The following HEATR5A variants were observed in gnomAD, a reference collection of about 807,000 sequenced individuals.
HEATR5A encodes the protein HEAT repeat-containing protein 5A.
A neutral mutation model predicts 218.8 loss-of-function variants in HEATR5A; 178 were observed. The observed-to-expected ratio is 0.81, with a 90% CI of 0.72 to 0.92. The LOEUF (loss-of-function observed/expected upper bound fraction) is 0.92, where lower values mean the gene tolerates loss of function less well. HEATR5A is among the 40% of genes least tolerant of loss of function. HEATR5A has a pLI of 0.00. For missense variants in HEATR5A, 2,420 were observed against 2,418.9 expected (o/e 1.00, Z -0.01); for synonymous variants, 864 against 871.6 (o/e 0.99, Z 0.15).
At position 31,383,685 on chromosome 14, in the gene HEATR5A, C is replaced by T. The variant is rs748570714; in HGVS notation, c.1432G>A (p.Val478Met). The change falls in exon 10 of 36, where the codon GTG (valine) becomes ATG (methionine). Residue 478 changes from valine to methionine, a missense_variant. Physicochemically the swap from Val to Met is conservative, Grantham distance 21. Coordinates refer to ENST00000543095, the MANE Select transcript of HEATR5A (RefSeq NM_015473.4). ...GGTGTTAGGTAGGAGGGTAATGCCA[C>T]GGCAATGCAGTGTAAACACCAAGCT... is the stretch of plus-strand genomic sequence containing the variant. ...AAAWCLHCIA[V>M]ALPSYLTPLL... 1.2e-4 allele frequency: 192 copies of T among 1,613,820 alleles called. No individual in the cohort carries two copies. In the East Asian group the frequency reaches 2.5e-3, roughly 21 times the overall value.
chr14:31,379,414 C>T (rs2029894833), intron 11 of HEATR5A, among the ~76,000 whole-genome samples: 1 of 151,054 alleles, frequency 6.6e-6, no homozygotes, highest in South Asian at 2.1e-4. Context: ...CCATGCCCGG[C>T]TAATTTTTGT....
rs777305002 is a variant in HEATR5A at position 31,349,888 on chromosome 14, G to C, written c.2609C>G (p.Pro870Arg). 1.9e-6 allele frequency: 3 copies of C among 1,612,448 alleles called. No homozygotes were observed. Among genetic ancestry groups the C allele is most frequent in the Non-Finnish European group, 2.5e-6 (3 of 1,179,010 alleles). The change falls in exon 18 of 36, where the codon CCC (proline) becomes CGC (arginine). Residue 870 changes from proline (P) to arginine (R), a missense_variant. Transcript: ENST00000543095. ...LVMGALESPN[P>R]LLRCAAAESW... ...CTCTGCAGCTGCACATCTCAGCAAGGGGTTGGGGCTTTCTAGGGCTCCCAT... is the reference window on the plus strand; with the variant it reads ...CTCTGCAGCTGCACATCTCAGCAAGCGGTTGGGGCTTTCTAGGGCTCCCAT...
Position 31,321,607 on chromosome 14 carries a change from C to G in HEATR5A, c.3861G>C (p.Gln1287His), listed in dbSNP as rs1358578906. 1 of 1,609,866 alleles carries G rather than the reference C, an allele frequency of 6.2e-7. No individual in the cohort carries two copies. The highest frequency in any genetic ancestry group is 1.7e-5 in the Admixed American group (1 of 59,458). Reference protein sequence around the residue: ...AFMAATDHSDQLRLSGLEMLL... With the variant: ...AFMAATDHSDHLRLSGLEMLL... ...GCATTTCAAGGCCAGAAAGACGGAG[C>G]TGGTCACTGTGATCTGTGGCAGCCA... Residue 1287 changes from glutamine to histidine, a missense_variant, in exon 25 of 36, where the codon CAG (glutamine) becomes CAC (histidine). Physicochemically the swap from Gln to His is conservative, Grantham distance 24. Coordinates refer to ENST00000543095, the MANE Select transcript of HEATR5A (RefSeq NM_015473.4).
chr14:31,355,339 G>A (rs558267925), intron 16 of HEATR5A, among the ~76,000 whole-genome samples: 1 of 151,876 alleles, frequency 6.6e-6, no homozygotes, highest in Middle Eastern at 3.5e-3. Flanking sequence ...CTTGAACCTG[G>A]GAGGCGGAGG....
intron 22 of HEATR5A, among the ~76,000 whole-genome samples, chr14:31,330,055 G>A (rs1686496636): frequency 6.6e-6 from 1 of 152,226 alleles, no homozygotes; most frequent in African/African-American, 2.4e-5. Context: ...CAGTGCCTCA[G>A]TGGGGACTCT....
At chr14:31,348,638 G>A (rs1438947214) in intron 18 of HEATR5A, among the ~76,000 whole-genome samples, 1 of 152,156 alleles carries the variant, frequency 6.6e-6, no homozygotes, top group Non-Finnish European at 1.5e-5. Context: ...AATTTTCTAT[G>A]TACTGTGTGC....
chr14:31,307,393 C>T (rs1344485875), intron 30 of HEATR5A, among the ~76,000 whole-genome samples: 1 of 152,176 alleles, frequency 6.6e-6, no homozygotes, highest in African/African-American at 2.4e-5. Flanking sequence ...TTTCCCATGG[C>T]CACACCCAAG....
At chr14:31,351,902 A>G (rs1460774114) in intron 16 of HEATR5A, among the ~76,000 whole-genome samples, 1 of 151,990 alleles carries the variant, frequency 6.6e-6, no homozygotes, top group Non-Finnish European at 1.5e-5. Flanking sequence ...GGGGTAAACC[A>G]CTGTGCCTGG....
At chr14:31,336,213 C>CACACACACATATATATATAT (rs758047507) in intron 22 of HEATR5A, among the ~76,000 whole-genome samples, 3 of 90,740 alleles carry the variant, frequency 3.3e-5, no homozygotes, top group African/African-American at 1.1e-4. Flanking sequence ...TATATACATA[C>CACACACACATATATATATAT]ATACATATAT....
rs1007593588 is a variant in HEATR5A, at chr14:31,369,896, T to C, written c.1961+1914A>G. 4.6e-4 allele frequency among the ~76,000 whole-genome samples: 68 copies of C among 147,404 alleles called. 1 individual carries two copies. The highest frequency in any genetic ancestry group is 7.6e-4 in the Non-Finnish European group (51 of 67,424). On this transcript the variant is annotated intron_variant, in intron 13 of 35. Transcript: ENST00000543095. ...TTGCTGTGACCGGAGATCGCGCCAC[T>C]GCACTCCAGCCTGGGTGACAGTGTA...
chr14:31,399,202 C>T (rs1236669238), intron 3 of HEATR5A, among the ~76,000 whole-genome samples: 3 of 152,110 alleles, frequency 2.0e-5, no homozygotes, highest in Non-Finnish European at 4.4e-5. Context: ...TTAAATTTTG[C>T]TTTGAAAGGA....
At position 31,362,618 on chromosome 14, in the gene HEATR5A, A is replaced by AC. The variant is rs1215388612; in HGVS notation, c.2071+1570_2071+1571insG. 2.7e-5 allele frequency among the ~76,000 whole-genome samples: 4 copies of AC among 148,560 alleles called. 1 individual carries two copies. The highest frequency in any genetic ancestry group is 2.0e-4 in the Admixed American group (3 of 14,864). On this transcript the variant is annotated intron_variant, in intron 14 of 35. Transcript: ENST00000543095. The stretch of plus-strand genomic sequence containing the variant: ...TCTCTACAAATGACAAAAAAAAAAA[A>AC]AAAAAAAAAAAAACTAGCTGGGAGT...
intron 4 of HEATR5A, among the ~76,000 whole-genome samples, chr14:31,397,620 T>C (rs924582201): frequency 2.7e-5 from 4 of 150,310 alleles, no homozygotes; most frequent in Admixed American, 1.3e-4. Flanking sequence ...GATCGCGCCA[T>C]TGCACTCAAG....
At position 31,349,757 on chromosome 14, in the gene HEATR5A, G is replaced by C. The variant is rs1346690469; in HGVS notation, c.2708+32C>G. 4 of 1,470,480 alleles carry C rather than the reference G, an allele frequency of 2.7e-6. No homozygotes were observed. In the African/African-American group the frequency reaches 5.5e-5, roughly 20 times the overall value. 91.1% of individuals were successfully genotyped at this position (1,470,480 alleles called of 1,614,324 possible). On this transcript the variant is annotated intron_variant, in intron 18 of 35. Transcript: ENST00000543095. ...AAGCTATACCCAGTTTTGAAACATA[G>C]CCTCTGAATATTAAATAAGAAATTC... is the stretch of plus-strand genomic sequence containing the variant.
chr14:31,332,724 G>A (rs1900514514), intron 22 of HEATR5A, among the ~76,000 whole-genome samples: 1 of 152,084 alleles, frequency 6.6e-6, no homozygotes, highest in Admixed American at 6.6e-5. Context: ...TCAGGCTCAG[G>A]CCTGTAATCC....
intron 10 of HEATR5A, among the ~76,000 whole-genome samples, chr14:31,382,190 T>C (rs2030018396): frequency 6.6e-6 from 1 of 152,236 alleles, no homozygotes; most frequent in Non-Finnish European, 1.5e-5. Context: ...TTTAATTAAA[T>C]ACATTGAATG....
intron 10 of HEATR5A, among the ~76,000 whole-genome samples, chr14:31,382,894 G>T (rs1354538779): frequency 1.3e-5 from 2 of 151,336 alleles, no homozygotes; most frequent in Admixed American, 1.3e-4. Context: ...AGTATTCCTT[G>T]ATGACTTCCT....
intron 6 of HEATR5A, among the ~76,000 whole-genome samples, chr14:31,392,194 G>A (rs961236079): frequency 6.6e-6 from 1 of 152,084 alleles, no homozygotes; most frequent in Non-Finnish European, 1.5e-5. Context: ...TGCCAGGTGT[G>A]GTGTCAGTCT....
intron 14 of HEATR5A, among the ~76,000 whole-genome samples, chr14:31,362,732 C>G (rs998587122): frequency 6.8e-6 from 1 of 147,380 alleles, no homozygotes; most frequent in Non-Finnish European, 1.5e-5. Flanking sequence ...GAGCCATGAT[C>G]ACACAACTGC....
Sources: allele counts gnomAD v4.1 joint callset (sites outside exome capture counted in the v4.1 genomes callset), GRCh38; gene constraint gnomAD v4.1.1; transcripts MANE v1.5; gene names NCBI Gene and HGNC (gene_info 2026-07-23, HGNC 2026-07-21).